The following ACYP2 variants were observed in gnomAD, a reference collection of about 807,000 sequenced individuals.
The protein encoded by ACYP2 is acylphosphatase 2.
In ACYP2, 12 loss-of-function variants were observed where a neutral mutation model predicts 11.2. The observed-to-expected ratio is 1.08, with a 90% confidence interval of 0.69 to 1.74. The LOEUF is 1.74. Ranked by LOEUF, ACYP2 falls within the 40% of genes most tolerant of loss-of-function variation. ACYP2 has a pLI of 0.00. For synonymous variants in ACYP2, 43 were observed against 32.2 expected (o/e 1.33, Z -1.13); for missense variants, 134 against 101.9 (o/e 1.31, Z -1.35).
chr2:54,051,074 CA>C, intron 3 of ACYP2: 1 of 518,596 alleles, frequency 1.9e-6, no homozygotes, highest in South Asian at 3.4e-5. Flanking sequence ...TCCTTGGTCA[CA>C]AATTCCTTTA....
At chr2:54,229,168 C>T (rs1162058916) in intron 6 of ACYP2, among the ~76,000 whole-genome samples, 2 of 152,216 alleles carry the variant, frequency 1.3e-5, no homozygotes, top group African/African-American at 2.4e-5. Flanking sequence ...ACTTTACTAA[C>T]ATTATTTCTC....
intron 2 of ACYP2, among the ~76,000 whole-genome samples, chr2:53,975,909 G>C (rs1671457627): frequency 6.6e-6 from 1 of 152,146 alleles, no homozygotes; most frequent in Non-Finnish European, 1.5e-5. Flanking sequence ...AGACCCTCAA[G>C]GAAACAGACT....
intron 4 of ACYP2, among the ~76,000 whole-genome samples, chr2:54,075,326 C>T (rs936402514): frequency 1.3e-5 from 2 of 151,972 alleles, no homozygotes; most frequent in African/African-American, 4.8e-5. Context: ...TGGTGAAACC[C>T]CGTTTCTACT....
At chr2:54,177,406 C>T (rs116352302) in intron 6 of ACYP2, among the ~76,000 whole-genome samples, 1,996 of 152,206 alleles carry the variant, frequency 0.013, 41 homozygotes, top group African/African-American at 0.045. Context: ...TTCCTCTGGC[C>T]CTTTCATGCC....
At chr2:54,118,415 T>C (rs568304705) in intron 4 of ACYP2, among the ~76,000 whole-genome samples, 8 of 152,356 alleles carry the variant, frequency 5.3e-5, no homozygotes, top group African/African-American at 1.9e-4. Context: ...AGCATTTCAC[T>C]GTTGTTTACT....
chr2:54,009,114 C>T lies in ACYP2; in HGVS notation c.62+35304C>T, dbSNP rs1179073537. 2.0e-5 allele frequency among the ~76,000 whole-genome samples: 3 copies of T among 151,102 alleles called. No homozygotes were observed. In the East Asian group the frequency reaches 5.8e-4, roughly 29 times the overall value. ...GTTGCAGTGAGCCAAGACTGTGCCACTGCACTCCAGTCTGGGCAACAGAGC... is the reference window on the plus strand; with the variant it reads ...GTTGCAGTGAGCCAAGACTGTGCCATTGCACTCCAGTCTGGGCAACAGAGC... On this transcript the variant is annotated intron_variant, in intron 2 of 6. Transcript: ENST00000607452.
intron 3 of ACYP2, chr2:54,051,451 GTGACAAAAAAGAA>G: frequency 1.4e-6 from 1 of 693,202 alleles, no homozygotes; most frequent in Non-Finnish European, 2.6e-6. Context: ...TCCTAAACGG[GTGACAAAAAAGAA>G]GTTTGAGGAT....
intron 6 of ACYP2, among the ~76,000 whole-genome samples, chr2:54,205,208 TA>T (rs982571877): frequency 6.6e-6 from 1 of 152,106 alleles, no homozygotes; most frequent in African/African-American, 2.4e-5. Flanking sequence ...GCATGGTGGG[TA>T]AAGTCTGTGA....
At position 54,242,693 on chromosome 2, in the gene ACYP2, A is replaced by G. The variant is rs141367452; in HGVS notation, c.405-61995A>G. Among the ~76,000 whole-genome samples the G allele has an allele frequency of 1.8e-3, 271 of 152,344 alleles. 2 individuals carry two copies. Among genetic ancestry groups the G allele is most frequent in the African/African-American group, 6.2e-3 (257 of 41,584 alleles). The stretch of plus-strand genomic sequence containing the variant: ...ACACTATTCAGTAACATGGCATACT[A>G]TACACTCCATTGCACTCCATGTGCG... On this transcript the variant is annotated intron_variant, in intron 6 of 6. Transcript: ENST00000607452.
At chr2:54,235,887 T>C (rs1686457478) in intron 6 of ACYP2, among the ~76,000 whole-genome samples, 1 of 152,070 alleles carries the variant, frequency 6.6e-6, no homozygotes, top group African/African-American at 2.4e-5. Flanking sequence ...TGTAGTGACG[T>C]TTCCTCTTTT....
intron 6 of ACYP2, among the ~76,000 whole-genome samples, chr2:54,167,292 A>T (rs1683025713): frequency 6.6e-6 from 1 of 152,224 alleles, no homozygotes; most frequent in African/African-American, 2.4e-5. Context: ...TTTCTATATC[A>T]TTGTCCAAAT....
At chr2:54,136,136 T>C (rs1353948700) in intron 5 of ACYP2, among the ~76,000 whole-genome samples, 1 of 152,210 alleles carries the variant, frequency 6.6e-6, no homozygotes, top group Non-Finnish European at 1.5e-5. Flanking sequence ...TAGCCTTAAG[T>C]GATCCAGCCA....
chr2:54,002,766 C>T (rs942166351), intron 2 of ACYP2, among the ~76,000 whole-genome samples: 1 of 151,846 alleles, frequency 6.6e-6, no homozygotes, highest in Admixed American at 6.6e-5. Flanking sequence ...ATTCTCCTGC[C>T]TCAGCCTCCT....
chr2:54,041,388 G>A (rs963013089), intron 2 of ACYP2, among the ~76,000 whole-genome samples: 1 of 152,174 alleles, frequency 6.6e-6, no homozygotes, highest in Non-Finnish European at 1.5e-5. Flanking sequence ...TAGGAAGCAA[G>A]GGCATCAGAA....
intron 4 of ACYP2, among the ~76,000 whole-genome samples, chr2:54,127,099 C>CTTT (rs34900505): frequency 1.5e-5 from 2 of 131,144 alleles, no homozygotes; most frequent in African/African-American, 5.7e-5. Context: ...TGAATAGCTG[C>CTTT]TTTTTTTTTT....
Position 54,255,585 on chromosome 2 carries a change from A to G in ACYP2, c.405-49103A>G, listed in dbSNP as rs754467247. On this transcript the variant is annotated intron_variant, in intron 6 of 6. Coordinates refer to ENST00000607452, the MANE Select transcript of ACYP2 (RefSeq NM_001320586.2). ...CGTTCAGGGGCCCGGGCCCGGGCCC[A>G]GGCCCTGCCTCCCTGTTTACCTCAT... The G allele has an allele frequency of 9.3e-5, 150 of 1,605,802 alleles. No individual in the cohort carries two copies. The East Asian group carries it at 1.1e-3, about 12-fold the overall frequency.
At chr2:54,018,326 G>C (rs1673808421) in intron 2 of ACYP2, among the ~76,000 whole-genome samples, 1 of 152,164 alleles carries the variant, frequency 6.6e-6, no homozygotes, top group Non-Finnish European at 1.5e-5. Context: ...TGCTGATTCA[G>C]GGACCATACT....
intron 6 of ACYP2, among the ~76,000 whole-genome samples, chr2:54,234,620 T>G (rs1453929841): frequency 2.0e-5 from 3 of 152,236 alleles, no homozygotes; most frequent in Non-Finnish European, 2.9e-5. Context: ...GAGATGTCTG[T>G]GGTGTTGGCT....
intron 6 of ACYP2, among the ~76,000 whole-genome samples, chr2:54,162,614 A>G (rs1682768836): frequency 6.6e-6 from 1 of 152,078 alleles, no homozygotes; most frequent in African/African-American, 2.4e-5. Context: ...ATCTGTTTTG[A>G]AAGGCTGTTT....
Sources: gnomAD v4.1 joint callset for allele counts (sites outside exome capture counted in the v4.1 genomes callset) on GRCh38, gnomAD v4.1.1 for gene constraint, MANE v1.5 for transcripts, NCBI Gene and HGNC (gene_info 2026-07-23, HGNC 2026-07-21) for gene names.